CPT1B: variants seen among roughly 807,000 people sequenced by gnomAD.
The protein encoded by CPT1B is carnitine O-palmitoyltransferase 1, muscle isoform.
CPT1B carries 57 observed loss-of-function variants against 92.7 expected under a neutral mutation model. The ratio of observed to expected loss-of-function variants is 0.62; its 90% confidence interval spans 0.50 to 0.77. The LOEUF (loss-of-function observed/expected upper bound fraction) is 0.77, where lower values mean the gene tolerates loss of function less well. CPT1B is among the 30% of genes least tolerant of loss of function. CPT1B has a pLI of 0.00. For missense variants in CPT1B, 983 were observed against 1,017.4 expected (o/e 0.97, Z 0.46); for synonymous variants, 398 against 383.5 (o/e 1.04, Z -0.44).
At chr22:50,571,932 G>T (rs2070194650) in intron 13 of CPT1B, 74 bp downstream of exon 13, 3 of 1,358,030 alleles carry the variant, frequency 2.2e-6, no homozygotes, top group Admixed American at 1.7e-5. Flanking sequence ...GGAGGAGGAG[G>T]CTCAGGCCTC....
In CPT1B at chr22:50,577,954, G is replaced by T. The variant is rs1356288180; in HGVS notation, c.-19-20C>A. 1.3e-6 allele frequency: 2 copies of T among 1,578,340 alleles called. No individual in the cohort carries two copies. Among genetic ancestry groups the T allele is most frequent in the South Asian group, 2.2e-5 (2 of 90,248 alleles). On this transcript the variant is annotated intron_variant, in intron 1 of 19. Coordinates refer to ENST00000312108, the MANE Select transcript of CPT1B (RefSeq NM_152246.3). ...CGGCACCTAGGACGGGGGCAGATGG[G>T]TGCGCGGGCGCGCTTAGGCCGGCCC... is the stretch of plus-strand genomic sequence containing the variant.
In CPT1B at chr22:50,577,455, G is replaced by A. The variant is rs146714587; in HGVS notation, c.150C>T (p.Ile50=). ...GGCTGCCAGGGTACACGCCCCTGAG[G>A]ATGCCATTCTGTGGGCAGAAACAGG... ...KKRLIRIKNG[I]LRGVYPGSPT... is the part of the protein sequence containing the mutation. Residue 50 remains isoleucine (I), a synonymous_variant, in exon 3 of 20, where the codon ATC becomes ATT. Transcript: ENST00000312108. The A allele has an allele frequency of 4.3e-6, 7 of 1,613,460 alleles. No homozygotes were observed. Among genetic ancestry groups the A allele is most frequent in the Middle Eastern group, 1.6e-4 (1 of 6,084 alleles).
chr22:50,577,178 TA>T (rs768222110), intron 3 of CPT1B, 144 bp from the exon 4 acceptor site: 22 of 1,379,808 alleles, frequency 1.6e-5, no homozygotes, highest in Non-Finnish European at 2.1e-5. Context: ...GATGTAGGGC[TA>T]AGACAATGGT....
intron 3 of CPT1B, 80 bp from the exon 4 acceptor site, chr22:50,577,114 C>A: frequency 6.6e-7 from 1 of 1,518,284 alleles, no homozygotes; most frequent in Non-Finnish European, 9.1e-7. Flanking sequence ...AGGGGAGACA[C>A]CAAGGGGAAG....
At chr22:50,574,694 G>T in intron 7 of CPT1B, 94 bp from the exon 8 acceptor site, 1 of 941,526 alleles carries the variant, frequency 1.1e-6, no homozygotes, top group Non-Finnish European at 1.7e-6. Flanking sequence ...GGGGCCTGAG[G>T]TGTTCTGTCT....
Position 50,572,044 on chromosome 22 carries a change from C to T in CPT1B, c.1537G>A (p.Ala513Thr), listed in dbSNP as rs141870572. The change falls in exon 13 of 20, where the codon GCA becomes ACA. Residue 513 changes from alanine to threonine, a missense_variant. Physicochemically the swap from Ala to Thr is moderately conservative, Grantham distance 58. Coordinates refer to ENST00000312108, the MANE Select transcript of CPT1B (RefSeq NM_152246.3). ...HCLGKPNPAL[A>T]PPTRLQWDIP... ...TCCCACTGCAGCCGTGTAGGAGGTGCGAGCGCAGGGTTCGGTTTGCCCAGG... is the reference window on the plus strand; with the variant it reads ...TCCCACTGCAGCCGTGTAGGAGGTGTGAGCGCAGGGTTCGGTTTGCCCAGG... 3.7e-5 allele frequency: 60 copies of T among 1,613,976 alleles called. No individual in the cohort carries two copies. The highest frequency in any genetic ancestry group is 8.8e-5 in the South Asian group (8 of 91,080).
intron 7 of CPT1B, 43 bp downstream of exon 7, chr22:50,575,992 C>CAGAGCTGAGCACGTGCGGGG (rs1262583833): frequency 1.3e-6 from 2 of 1,590,716 alleles, no homozygotes; most frequent in South Asian, 2.2e-5. Context: ...GGAGCTGGGA[C>CAGAGCTGAGCACGTGCGGGG]AGAGCTGAGC....
At chr22:50,576,005 G>T in intron 7 of CPT1B, 30 bp downstream of exon 7, 3 of 1,605,548 alleles carry the variant, frequency 1.9e-6, no homozygotes, top group Non-Finnish European at 2.6e-6. Context: ...AGCTGAGCAC[G>T]TGCGGGGACC....
Position 50,571,389 on chromosome 22 carries a change from G to T in CPT1B, c.1726C>A (p.Leu576Met), listed in dbSNP as rs537059868. The change falls in exon 14 of 20, where the codon CTG (leucine) becomes ATG (methionine). Residue 576 changes from leucine to methionine, a missense_variant. By Grantham distance (15) the Leu-to-Met change is conservative. Transcript: ENST00000312108. ...GGGGCTCCTACCCGGAAGTGAGCCA[G>T]CTGCAGCGCGATCTGCACAAAGGCA... The part of the protein sequence containing the change: ...PDAFVQIALQ[L>M]AHFRDRGKFC... 4.3e-6 allele frequency: 7 copies of T among 1,613,858 alleles called. No individual in the cohort carries two copies. In the Admixed American group the frequency reaches 1.0e-4, roughly 23 times the overall value.
rs1242456251 is a variant in CPT1B, at chr22:50,571,493, G to C, written c.1622C>G (p.Ala541Gly). ...ESSYQVAKALADDVELYCFQF... is the reference protein window; with the variant it reads ...ESSYQVAKALGDDVELYCFQF... ...GAAGCAGTACAACTCCACGTCGTCT[G>C]CCAACGCCTTGGCCACCTGGTAGGA... is the stretch of plus-strand genomic sequence containing the variant. The change falls in exon 14 of 20, where the codon GCA (alanine) becomes GGA (glycine). Residue 541 changes from alanine (A) to glycine (G), a missense_variant. Physicochemically the swap from Ala to Gly is moderately conservative, Grantham distance 60. Transcript: ENST00000312108. 1 of 1,613,522 alleles carries C rather than the reference G, an allele frequency of 6.2e-7. No homozygotes were observed.
At chr22:50,570,245 C>T (rs1260417211) in intron 17 of CPT1B, 48 bp downstream of exon 17, 1 of 1,399,486 alleles carries the variant, frequency 7.1e-7, no homozygotes, top group Non-Finnish European at 9.7e-7. Context: ...GCCACTGAAA[C>T]CCTCAGGGCC....
At chr22:50,572,802 T>C in intron 11 of CPT1B, 73 bp downstream of exon 11, 1 of 1,507,132 alleles carries the variant, frequency 6.6e-7, no homozygotes, top group Non-Finnish European at 9.1e-7. Context: ...TACCTTCTTT[T>C]ATCTTTAATC....
In CPT1B at chr22:50,571,056, A is replaced by C; in HGVS notation, c.1876-13T>G. 6.2e-7 allele frequency: 1 copy of C among 1,613,538 alleles called. No individual in the cohort carries two copies. Among genetic ancestry groups the C allele is most frequent in the Non-Finnish European group, 8.5e-7 (1 of 1,179,608 alleles). ...GCAGGTCTGCTTTCTGCGGGGCAGA[A>C]GTAAAGGGGTGAAGAGTAGCCCTGG... On this transcript the variant is annotated splice_polypyrimidine_tract_variant and intron_variant, in intron 15 of 19. Coordinates refer to ENST00000312108, the MANE Select transcript of CPT1B (RefSeq NM_152246.3).
chr22:50,570,873 C>A lies in CPT1B; in HGVS notation c.2028+18G>T. ...GGAGGGCAGTGGGACAAAGGACACA[C>A]CCAACAACGGTGCTGACCTCAGCAA... On this transcript the variant is annotated intron_variant, in intron 16 of 19. Coordinates refer to ENST00000312108, the MANE Select transcript of CPT1B (RefSeq NM_152246.3). The A allele has an allele frequency of 6.2e-7, 1 of 1,611,330 alleles. No homozygotes were observed. The highest frequency in any genetic ancestry group is 8.5e-7 in the Non-Finnish European group (1 of 1,178,588).
Position 50,574,496 on chromosome 22 carries a change from C to T in CPT1B, c.882G>A (p.Lys294=). ...CTTCAACCCTGACGCAACTCACAGG[C>T]TTGATTTCTTCACGGTCCAGTTTAC... ...YRRKLDREEI[K]PVMALGIVPM... The change falls in exon 8 of 20, where the codon AAG becomes AAA. Residue 294 remains lysine (K), a synonymous_variant. Coordinates refer to ENST00000312108, the MANE Select transcript of CPT1B (RefSeq NM_152246.3). 2.5e-6 allele frequency: 4 copies of T among 1,614,140 alleles called. No homozygotes were observed. Among genetic ancestry groups the T allele is most frequent in the Non-Finnish European group, 3.4e-6 (4 of 1,180,006 alleles).
intron 9 of CPT1B, 131 bp downstream of exon 9, chr22:50,574,204 G>C (rs1219561996): frequency 5.4e-6 from 4 of 741,108 alleles, no homozygotes; most frequent in Non-Finnish European, 9.4e-6. Flanking sequence ...TGGATGTCTA[G>C]TATCTGTCAC....
chr22:50,571,645 G>T, intron 13 of CPT1B, 106 bp from the exon 14 acceptor site: 2 of 1,264,046 alleles, frequency 1.6e-6, no homozygotes, highest in Non-Finnish European at 2.2e-6. Context: ...GGGCACAGCC[G>T]GCCAAGACAT....
chr22:50,577,016 G>A lies in CPT1B; in HGVS notation c.300C>T (p.Thr100=). 1.2e-6 allele frequency: 2 copies of A among 1,614,030 alleles called. No homozygotes were observed. Among genetic ancestry groups the A allele is most frequent in the Non-Finnish European group, 1.7e-6 (2 of 1,180,024 alleles). ...CLPQGCGPYQ[T]PQTRALLSMA... ...TGCTGAGAAGTGCCCGGGTCTGCGG[G>A]GTCTGGTAGGGGCCACACCTATTGG... Residue 100 remains threonine, a synonymous_variant, in exon 4 of 20, where the codon ACC becomes ACT. Coordinates refer to ENST00000312108, the MANE Select transcript of CPT1B (RefSeq NM_152246.3).
In CPT1B at chr22:50,576,155, G is replaced by A. The variant is rs561006936; in HGVS notation, c.699+43C>T. ...GTTAGAGCTGGGGCGGGTGCAGCCA[G>A]GACACATGGCAGGTGACAGTGAGCC... On this transcript the variant is annotated intron_variant, in intron 6 of 19. Coordinates refer to ENST00000312108, the MANE Select transcript of CPT1B (RefSeq NM_152246.3). The A allele has an allele frequency of 5.4e-5, 87 of 1,614,082 alleles. No individual in the cohort carries two copies. The African/African-American group carries it at 8.3e-4, about 15-fold the overall frequency.
Sources: allele counts gnomAD v4.1 joint callset, GRCh38; gene constraint gnomAD v4.1.1; transcripts MANE v1.5; gene names NCBI Gene and HGNC (gene_info 2026-07-23, HGNC 2026-07-21).